Variants in SEMA5A observed in about 807,000 individuals in gnomAD.
SEMA5A encodes the protein semaphorin-5A.
A neutral mutation model predicts 135.5 loss-of-function variants in SEMA5A; 55 were observed. The observed-to-expected ratio is 0.41, with a 90% CI of 0.33 to 0.51. The LOEUF (loss-of-function observed/expected upper bound fraction) is 0.51. Among genes scored for constraint, SEMA5A ranks in the 20% least tolerant of loss-of-function variants. SEMA5A has a pLI of 0.37. For synonymous variants in SEMA5A, 580 were observed against 546.5 expected (o/e 1.06, Z -0.85); for missense variants, 1,290 against 1,419.9 (o/e 0.91, Z 1.47).
chr5:9,233,495 C>T (rs1011281908), intron 6 of SEMA5A, among the ~76,000 whole-genome samples: 7 of 151,448 alleles, frequency 4.6e-5, no homozygotes, highest in Non-Finnish European at 7.4e-5. Context: ...ATATTTAAGC[C>T]ATTGCAGGCA....
chr5:9,465,249 A>G (rs1759214615), intron 1 of SEMA5A, among the ~76,000 whole-genome samples: 1 of 152,234 alleles, frequency 6.6e-6, no homozygotes, highest in African/African-American at 2.4e-5. Flanking sequence ...AGTATTCAAG[A>G]GTTTCCGTAA....
At chr5:9,472,466 T>C (rs531581985) in intron 1 of SEMA5A, among the ~76,000 whole-genome samples, 1 of 152,364 alleles carries the variant, frequency 6.6e-6, no homozygotes, top group South Asian at 2.1e-4. Context: ...GAGTTAGTTT[T>C]ATTGAGGCTA....
chr5:9,344,441 A>G (rs994247054), intron 3 of SEMA5A, among the ~76,000 whole-genome samples: 1 of 152,260 alleles, frequency 6.6e-6, no homozygotes, highest in Non-Finnish European at 1.5e-5. Context: ...TAATTTATCA[A>G]AAATGGTAGT....
intron 3 of SEMA5A, among the ~76,000 whole-genome samples, chr5:9,342,515 C>T (rs1453259302): frequency 6.6e-6 from 1 of 152,124 alleles, no homozygotes; most frequent in African/African-American, 2.4e-5. Flanking sequence ...AGATTCAAGC[C>T]AAACTAGGTG....
chr5:9,319,129 G>C (rs1434311305), intron 4 of SEMA5A, among the ~76,000 whole-genome samples: 1 of 152,154 alleles, frequency 6.6e-6, no homozygotes, highest in African/African-American at 2.4e-5. Context: ...CTTTGGTCCT[G>C]GGAGGTGGAG....
At chr5:9,177,198 G>A (rs186251308) in intron 11 of SEMA5A, among the ~76,000 whole-genome samples, 35 of 152,308 alleles carry the variant, frequency 2.3e-4, no homozygotes, top group African/African-American at 8.4e-4. Flanking sequence ...TTGGCCAGAT[G>A]CATAGTTACT....
At chr5:9,340,942 A>G (rs946998796) in intron 3 of SEMA5A, among the ~76,000 whole-genome samples, 3 of 152,118 alleles carry the variant, frequency 2.0e-5, no homozygotes, top group African/African-American at 7.2e-5. Flanking sequence ...CTTTTCAAAG[A>G]CCAGTTGCTC....
intron 1 of SEMA5A, among the ~76,000 whole-genome samples, chr5:9,507,897 G>A (rs540513226): frequency 1.8e-4 from 28 of 152,092 alleles, no homozygotes; most frequent in African/African-American, 3.9e-4. Context: ...CCAGCTACTC[G>A]GGAGGCTGAG....
chr5:9,165,743 G>A (rs561107684), intron 11 of SEMA5A, among the ~76,000 whole-genome samples: 16 of 152,298 alleles, frequency 1.1e-4, no homozygotes, highest in East Asian at 3.9e-4. Context: ...CATTATCAGC[G>A]AGGTAATGAT....
At chr5:9,326,911 T>A (rs1306220745) in intron 4 of SEMA5A, among the ~76,000 whole-genome samples, 1 of 152,248 alleles carries the variant, frequency 6.6e-6, no homozygotes, top group Non-Finnish European at 1.5e-5. Flanking sequence ...TGATTTAATT[T>A]AATCATGTAA....
intron 5 of SEMA5A, among the ~76,000 whole-genome samples, chr5:9,263,008 T>G (rs1272962022): frequency 6.8e-6 from 1 of 148,118 alleles, no homozygotes; most frequent in African/African-American, 2.5e-5. Context: ...GAATTCCAAA[T>G]GATTTGGCAA....
intron 5 of SEMA5A, among the ~76,000 whole-genome samples, chr5:9,249,092 C>T (rs1748636362): frequency 6.6e-6 from 1 of 152,160 alleles, no homozygotes; most frequent in African/African-American, 2.4e-5. Flanking sequence ...TGGGCCAGGC[C>T]CATTGTACGA....
At chr5:9,086,228 T>C (rs253630) in intron 16 of SEMA5A, among the ~76,000 whole-genome samples, 130,108 of 152,120 alleles carry the variant, frequency 0.86, 55,794 homozygotes, top group South Asian at 0.91. Flanking sequence ...GTTGGGAAGG[T>C]ATGATTGGTT....
At chr5:9,084,920 G>T (rs576701583) in intron 16 of SEMA5A, among the ~76,000 whole-genome samples, 2 of 152,162 alleles carry the variant, frequency 1.3e-5, no homozygotes, top group African/African-American at 4.8e-5. Flanking sequence ...GGACAATAAG[G>T]TCCAGGCTGA....
chr5:9,429,585 G>A (rs567520440), intron 2 of SEMA5A, among the ~76,000 whole-genome samples: 4 of 152,220 alleles, frequency 2.6e-5, no homozygotes, highest in Non-Finnish European at 5.9e-5. Flanking sequence ...ATAGCAGGGA[G>A]ACTTTCCATT....
chr5:9,463,555 C>G (rs1759138660), intron 1 of SEMA5A, among the ~76,000 whole-genome samples: 4 of 151,810 alleles, frequency 2.6e-5, no homozygotes, highest in Admixed American at 2.6e-4. Flanking sequence ...AATAAAGAAG[C>G]CAAAATCTAA....
At chr5:9,093,311 C>T (rs1739136018) in intron 16 of SEMA5A, among the ~76,000 whole-genome samples, 1 of 152,122 alleles carries the variant, frequency 6.6e-6, no homozygotes, top group Non-Finnish European at 1.5e-5. Flanking sequence ...TAATTTAAAA[C>T]ATGATGTAAC....
chr5:9,435,441 G>A (rs1303868610), intron 2 of SEMA5A, among the ~76,000 whole-genome samples: 1 of 152,134 alleles, frequency 6.6e-6, no homozygotes, highest in Non-Finnish European at 1.5e-5. Flanking sequence ...TAACACATTT[G>A]GGGCATATAA....
chr5:9,452,436 G>A (rs383900), intron 1 of SEMA5A, among the ~76,000 whole-genome samples: 92 of 152,236 alleles, frequency 6.0e-4, no homozygotes, highest in Middle Eastern at 3.4e-3. Flanking sequence ...CACAGCCAGC[G>A]TTCCCTGACA....
Sources: gnomAD v4.1 joint callset for allele counts (sites outside exome capture counted in the v4.1 genomes callset) on GRCh38, gnomAD v4.1.1 for gene constraint, MANE v1.5 for transcripts, NCBI Gene and HGNC (gene_info 2026-07-23, HGNC 2026-07-21) for gene names.